The following KCND2 variants were observed in gnomAD, a reference collection of about 807,000 sequenced individuals.
KCND2 encodes the protein A-type voltage-gated potassium channel KCND2.
KCND2 carries 16 observed loss-of-function variants against 54.4 expected under a neutral mutation model. The ratio of observed to expected loss-of-function variants is 0.29; its 90% CI spans 0.20 to 0.45. The LOEUF (loss-of-function observed/expected upper bound fraction) is 0.45, where lower values mean the gene tolerates loss of function less well. KCND2 is among the 20% of genes least tolerant of loss of function. The pLI, the probability that KCND2 is intolerant of heterozygous loss-of-function variation, is 1.00. For synonymous variants in KCND2, 317 were observed against 310.7 expected (o/e 1.02, Z -0.21); for missense variants, 486 against 824.2 (o/e 0.59, Z 5.02).
chr7:120,411,785 G>A (rs1801454052), intron 1 of KCND2, among the ~76,000 whole-genome samples: 1 of 152,070 alleles, frequency 6.6e-6, no homozygotes, highest in South Asian at 2.1e-4. Context: ...AAGAAATTGG[G>A]TATTGGAAAT....
At chr7:120,401,994 A>G (rs1050087351) in intron 1 of KCND2, among the ~76,000 whole-genome samples, 9 of 152,160 alleles carry the variant, frequency 5.9e-5, no homozygotes, top group African/African-American at 2.2e-4. Flanking sequence ...CGATGGCTCA[A>G]TATTTCTGAA....
intron 1 of KCND2, among the ~76,000 whole-genome samples, chr7:120,599,898 TCA>T (rs1405874396): frequency 6.6e-6 from 1 of 152,064 alleles, no homozygotes; most frequent in African/African-American, 2.4e-5. Flanking sequence ...TGTTTTTCTT[TCA>T]CAGTTAATTA....
intron 1 of KCND2, among the ~76,000 whole-genome samples, chr7:120,318,822 C>T (rs1247265841): frequency 6.6e-6 from 1 of 152,024 alleles, no homozygotes; most frequent in Non-Finnish European, 1.5e-5. Context: ...CATGTTTGTA[C>T]TGATCTTTGG....
chr7:120,387,268 G>C (rs569348217), intron 1 of KCND2, among the ~76,000 whole-genome samples: 1 of 151,850 alleles, frequency 6.6e-6, no homozygotes, highest in Non-Finnish European at 1.5e-5. Context: ...TTAGTTATGA[G>C]GTTTTCCAAA....
At chr7:120,507,042 TTAAC>T (rs753590143) in intron 1 of KCND2, among the ~76,000 whole-genome samples, 13 of 151,920 alleles carry the variant, frequency 8.6e-5, no homozygotes, top group Non-Finnish European at 1.6e-4. Context: ...TTATGATAAA[TTAAC>T]TAGTTAATTT....
chr7:120,424,341 C>A (rs983757430), intron 1 of KCND2, among the ~76,000 whole-genome samples: 3 of 152,106 alleles, frequency 2.0e-5, no homozygotes, highest in Admixed American at 6.5e-5. Flanking sequence ...ACTAAAACGA[C>A]ATGAGATAAA....
At chr7:120,299,230 T>G (rs1799552990) in intron 1 of KCND2, among the ~76,000 whole-genome samples, 2 of 152,170 alleles carry the variant, frequency 1.3e-5, no homozygotes, top group Non-Finnish European at 1.5e-5. Flanking sequence ...TTGTTATTAT[T>G]ATTTTCTTAC....
intron 1 of KCND2, among the ~76,000 whole-genome samples, chr7:120,714,824 T>G (rs1389058682): frequency 6.6e-6 from 1 of 151,734 alleles, no homozygotes; most frequent in Non-Finnish European, 1.5e-5. Flanking sequence ...GATCCTGTTA[T>G]CTTTTGCTAA....
intron 1 of KCND2, among the ~76,000 whole-genome samples, chr7:120,300,089 A>G (rs1799564557): frequency 6.6e-6 from 1 of 152,202 alleles, no homozygotes. Context: ...AGGAAGAACT[A>G]TTGCAAAAGA....
At chr7:120,633,941 G>A (rs1304337060) in intron 1 of KCND2, among the ~76,000 whole-genome samples, 1 of 152,078 alleles carries the variant, frequency 6.6e-6, no homozygotes, top group African/African-American at 2.4e-5. Flanking sequence ...TGCAGCATTT[G>A]GCAAATATTT....
At chr7:120,667,055 A>G (rs971034169) in intron 1 of KCND2, among the ~76,000 whole-genome samples, 1 of 152,040 alleles carries the variant, frequency 6.6e-6, no homozygotes, top group East Asian at 1.9e-4. Context: ...AGACTTCATA[A>G]GAAGGAAGTA....
intron 1 of KCND2, among the ~76,000 whole-genome samples, chr7:120,528,871 T>G (rs1791809382): frequency 6.6e-6 from 1 of 152,226 alleles, no homozygotes; most frequent in Non-Finnish European, 1.5e-5. Flanking sequence ...TAGGATTTTT[T>G]GGACCTCCAA....
intron 1 of KCND2, among the ~76,000 whole-genome samples, chr7:120,379,870 C>T (rs1267724413): frequency 6.6e-6 from 1 of 151,974 alleles, no homozygotes; most frequent in Non-Finnish European, 1.5e-5. Context: ...AATAGCTGCC[C>T]TGGAGTTTTG....
At chr7:120,667,104 G>A (rs1339982924) in intron 1 of KCND2, among the ~76,000 whole-genome samples, 1 of 152,012 alleles carries the variant, frequency 6.6e-6, no homozygotes, top group East Asian at 1.9e-4. Context: ...CACTTCTTGG[G>A]TGTAGAGTAG....
At position 120,550,518 on chromosome 7, in the gene KCND2, G is replaced by A. The variant is rs144375825; in HGVS notation, c.1116-182385G>A. ...GTTCAGTTGGCCAAATATCATTGCA[G>A]GCTGATATACCTGCAAATTTTTCTA... On this transcript the variant is annotated intron_variant, in intron 1 of 5. Coordinates refer to ENST00000331113, the MANE Select transcript of KCND2 (RefSeq NM_012281.3). Among the ~76,000 whole-genome samples the A allele has an allele frequency of 2.0e-4, 31 of 152,188 alleles. No individual in the cohort carries two copies. In the East Asian group the frequency reaches 6.0e-3, roughly 29 times the overall value.
intron 1 of KCND2, among the ~76,000 whole-genome samples, chr7:120,683,937 A>C (rs886848618): frequency 1.3e-5 from 2 of 152,162 alleles, no homozygotes; most frequent in African/African-American, 4.8e-5. Flanking sequence ...AGATGGTTCC[A>C]TTGCTGCTGG....
intron 1 of KCND2, among the ~76,000 whole-genome samples, chr7:120,552,429 C>G (rs1171376250): frequency 1.3e-5 from 2 of 152,118 alleles, no homozygotes; most frequent in African/African-American, 4.8e-5. Flanking sequence ...TGCAGATTAA[C>G]AAGAGAAAAG....
At chr7:120,520,008 A>G (rs1791668037) in intron 1 of KCND2, among the ~76,000 whole-genome samples, 1 of 152,134 alleles carries the variant, frequency 6.6e-6, no homozygotes. Context: ...TTGCATGAAG[A>G]AAATATTTTT....
At chr7:120,599,937 A>T (rs1792793973) in intron 1 of KCND2, among the ~76,000 whole-genome samples, 2 of 151,830 alleles carry the variant, frequency 1.3e-5, no homozygotes, top group Non-Finnish European at 2.9e-5. Flanking sequence ...TTTCTTGTAG[A>T]TATTCTTTTT....
Sources: gnomAD v4.1 joint callset for allele counts (sites outside exome capture counted in the v4.1 genomes callset) on GRCh38, gnomAD v4.1.1 for gene constraint, MANE v1.5 for transcripts, NCBI Gene and HGNC (gene_info 2026-07-23, HGNC 2026-07-21) for gene names.